HOMER1: variants seen among roughly 807,000 people sequenced by gnomAD.
HOMER1 encodes homer scaffold protein 1.
A neutral mutation model predicts 48.9 loss-of-function variants in HOMER1; 3 were observed. That is an observed-to-expected ratio of 0.06 (90% CI 0.03 to 0.16). The LOEUF is 0.16. Among genes scored for constraint, HOMER1 ranks in the 10% least tolerant of loss-of-function variants. The pLI, the probability that HOMER1 is intolerant of heterozygous loss-of-function variation, is 1.00. For missense variants in HOMER1, 247 were observed against 411.4 expected, an observed-to-expected ratio of 0.60 and a Z score of 3.46; for synonymous variants, 134 against 146.4, an observed-to-expected ratio of 0.92 and a Z score of 0.61.
At chr5:79,431,523 G>A (rs924249609) in intron 5 of HOMER1, among the ~76,000 whole-genome samples, 2 of 152,058 alleles carry the variant, frequency 1.3e-5, no homozygotes, top group Non-Finnish European at 2.9e-5. Flanking sequence ...TGGGGGTGGG[G>A]AGTAACGAAA....
At chr5:79,482,680 C>T (rs907758973) in intron 1 of HOMER1, among the ~76,000 whole-genome samples, 1 of 151,932 alleles carries the variant, frequency 6.6e-6, no homozygotes, top group African/African-American at 2.4e-5. Context: ...ATGCATGCAA[C>T]TGAAGTCCTC....
intron 6 of HOMER1, among the ~76,000 whole-genome samples, chr5:79,398,703 G>A (rs757052919): frequency 3.3e-5 from 5 of 152,020 alleles, no homozygotes; most frequent in Non-Finnish European, 5.9e-5. Flanking sequence ...TACGGTATCA[G>A]ATCTAAACGC....
intron 5 of HOMER1, among the ~76,000 whole-genome samples, chr5:79,437,074 T>G (rs1436949483): frequency 6.6e-6 from 1 of 152,182 alleles, no homozygotes; most frequent in African/African-American, 2.4e-5. Context: ...ATTAGACTCT[T>G]GAGAACAGAG....
Position 79,376,064 on chromosome 5 carries a change from A to G in HOMER1, c.1010T>C (p.Ile337Thr). The G allele has an allele frequency of 6.2e-7, 1 of 1,613,552 alleles. No individual in the cohort carries two copies. Among genetic ancestry groups the G allele is most frequent in the Non-Finnish European group, 8.5e-7 (1 of 1,179,722 alleles). Residue 337 changes from isoleucine to threonine, a missense_variant, in exon 9 of 9, where the codon ATA (isoleucine) becomes ACA (threonine). This residue lies in a region of HOMER1 where 113 missense variants were observed against 152.5 expected (regional missense o/e 0.74). Transcript: ENST00000334082. The stretch of plus-strand genomic sequence containing the variant: ...ATCTCGTAATTCTGTTAGTTCAAAT[A>G]TCTTTCCATCCAGAATTTCTAAGAG... Reference protein sequence around the residue: ...KTLLEILDGKIFELTELRDNL... With the variant: ...KTLLEILDGKTFELTELRDNL...
Position 79,462,178 on chromosome 5 carries a change from C to T in HOMER1, c.6-5160G>A, listed in dbSNP as rs541016646. Among the ~76,000 whole-genome samples the T allele has an allele frequency of 2.6e-5, 4 of 152,194 alleles. No homozygotes were observed. In the East Asian group the frequency reaches 5.8e-4, roughly 22 times the overall value. The stretch of plus-strand genomic sequence containing the variant: ...CACGCCACTGCACCCCCAGCCTGGG[C>T]GACAGAGCGAGACTCCATCTCAAAA... On this transcript the variant is annotated intron_variant, in intron 1 of 8. Transcript: ENST00000334082.
chr5:79,500,607 T>C (rs1395324708), intron 1 of HOMER1, among the ~76,000 whole-genome samples: 2 of 151,628 alleles, frequency 1.3e-5, no homozygotes, highest in South Asian at 2.1e-4. Flanking sequence ...TTCACTTCCA[T>C]GTAATAAACA....
At chr5:79,378,175 C>T (rs980237057) in intron 8 of HOMER1, among the ~76,000 whole-genome samples, 29 of 145,658 alleles carry the variant, frequency 2.0e-4, no homozygotes, top group Non-Finnish European at 7.4e-5. Context: ...GCCGAAATTA[C>T]GTTACTGCAC....
chr5:79,396,767 T>TG, intron 8 of HOMER1, 56 bp downstream of exon 8: 1 of 1,027,724 alleles, frequency 9.7e-7, no homozygotes, highest in Non-Finnish European at 1.5e-6. Context: ...CAGTGCTATG[T>TG]GAAAAAATGA....
intron 1 of HOMER1, chr5:79,510,286 T>C (rs1326516991): frequency 2.8e-6 from 1 of 361,402 alleles, no homozygotes; most frequent in Non-Finnish European, 5.3e-6. Flanking sequence ...TACATTCATT[T>C]ATAAACAAAT....
chr5:79,463,591 G>A (rs1315321250), intron 1 of HOMER1, among the ~76,000 whole-genome samples: 1 of 152,160 alleles, frequency 6.6e-6, no homozygotes, highest in African/African-American at 2.4e-5. Context: ...AAAAAACTAT[G>A]CAAATGAAAA....
intron 5 of HOMER1, among the ~76,000 whole-genome samples, chr5:79,427,685 CCCTTCCTTCCTTT>C (rs1254051858): frequency 2.7e-4 from 19 of 71,364 alleles, no homozygotes; most frequent in Non-Finnish European, 3.8e-4. Context: ...TTCCTTCCTT[CCCTTCCTTCCTTT>C]CCTTCCTTCC....
At chr5:79,508,321 C>T (rs921422068) in intron 1 of HOMER1, among the ~76,000 whole-genome samples, 1 of 152,092 alleles carries the variant, frequency 6.6e-6, no homozygotes, top group African/African-American at 2.4e-5. Context: ...CCAGAGTGTA[C>T]CATACAAAGC....
chr5:79,378,038 C>T (rs1380755907), intron 8 of HOMER1, among the ~76,000 whole-genome samples: 2 of 151,824 alleles, frequency 1.3e-5, no homozygotes, highest in Admixed American at 1.3e-4. Context: ...GCCAACATGG[C>T]GAATCCCTTC....
intron 2 of HOMER1, among the ~76,000 whole-genome samples, chr5:79,454,642 C>T (rs961800901): frequency 5.9e-5 from 9 of 152,052 alleles, no homozygotes; most frequent in Admixed American, 2.0e-4. Context: ...CAAGTAAATA[C>T]ATATTAGTTA....
chr5:79,497,662 GAAAA>G (rs1212983044), intron 1 of HOMER1, among the ~76,000 whole-genome samples: 10 of 73,084 alleles, frequency 1.4e-4, no homozygotes, highest in East Asian at 4.1e-4. Context: ...CTGTCTCAAA[GAAAA>G]AAAAAAAAAA....
At chr5:79,434,892 TA>T (rs1750532529) in intron 5 of HOMER1, among the ~76,000 whole-genome samples, 1 of 152,092 alleles carries the variant, frequency 6.6e-6, no homozygotes, top group Non-Finnish European at 1.5e-5. Flanking sequence ...AGGTATGATA[TA>T]AAAAGTTGTA....
intron 1 of HOMER1, among the ~76,000 whole-genome samples, chr5:79,483,550 T>C (rs924383831): frequency 6.6e-6 from 1 of 151,418 alleles, no homozygotes; most frequent in Non-Finnish European, 1.5e-5. Context: ...TTCTCAGACA[T>C]ACAAAAGCTG....
intron 8 of HOMER1, among the ~76,000 whole-genome samples, chr5:79,388,894 T>C (rs944036674): frequency 6.6e-6 from 1 of 151,768 alleles, no homozygotes; most frequent in Non-Finnish European, 1.5e-5. Context: ...AATAACACAT[T>C]AGAACAGAAC....
intron 8 of HOMER1, among the ~76,000 whole-genome samples, chr5:79,382,344 C>G (rs574509362): frequency 6.6e-6 from 1 of 152,252 alleles, no homozygotes; most frequent in East Asian, 1.9e-4. Flanking sequence ...GAAAGAAGGT[C>G]TTCTCCATGG....
Sources: gnomAD v4.1 joint callset for allele counts (sites outside exome capture counted in the v4.1 genomes callset) on GRCh38, gnomAD v4.1.1 for gene constraint, gnomAD v4.1.1 regional missense constraint, MANE v1.5 for transcripts, NCBI Gene and HGNC (gene_info 2026-07-23, HGNC 2026-07-21) for gene names.